The following C10orf90 variants were observed in gnomAD, a reference collection of about 807,000 sequenced individuals.
The protein encoded by C10orf90 is (E2-independent) E3 ubiquitin-conjugating enzyme FATS.
Under a neutral mutation model 62.5 loss-of-function variants are expected in C10orf90, and 56 were observed. That is an observed-to-expected ratio of 0.90 (90% CI 0.72 to 1.12). The LOEUF (loss-of-function observed/expected upper bound fraction) is 1.12, where lower values mean the gene tolerates loss of function less well. Ranked by LOEUF, C10orf90 falls within the 50% of genes most tolerant of loss-of-function variation. The pLI is 0.00. For synonymous variants in C10orf90, 386 were observed against 340.4 expected (o/e 1.13, Z -1.47); for missense variants, 970 against 880.4 (o/e 1.10, Z -1.29).
intron 2 of C10orf90, among the ~76,000 whole-genome samples, chr10:126,586,726 TG>T (rs1591123084): frequency 6.6e-6 from 1 of 152,198 alleles, no homozygotes; most frequent in East Asian, 1.9e-4. Context: ...TGCATGAAAG[TG>T]GGAGTGGGGA....
At chr10:126,445,896 G>A (rs996997607) in intron 7 of C10orf90, among the ~76,000 whole-genome samples, 2 of 151,208 alleles carry the variant, frequency 1.3e-5, no homozygotes, top group East Asian at 2.0e-4. Flanking sequence ...GATGAAATTG[G>A]AGACTAATAC....
chr10:126,565,375 A>ATAATATATATTATATATATTATATTATAT (rs1564874473), intron 2 of C10orf90, among the ~76,000 whole-genome samples: 1 of 35,438 alleles, frequency 2.8e-5, no homozygotes, highest in African/African-American at 9.9e-5. Flanking sequence ...TATTTTATAT[A>ATAATATATATTATATATATTATATTATAT]ATAATATATA....
At chr10:126,517,068 T>C (rs114247106) in intron 2 of C10orf90, among the ~76,000 whole-genome samples, 1 of 152,144 alleles carries the variant, frequency 6.6e-6, no homozygotes, top group Non-Finnish European at 1.5e-5. Flanking sequence ...AGTAACATAT[T>C]TATAAGTTCC....
At chr10:126,509,535 T>G (rs533932287) in intron 3 of C10orf90, among the ~76,000 whole-genome samples, 1 of 152,250 alleles carries the variant, frequency 6.6e-6, no homozygotes, top group Non-Finnish European at 1.5e-5. Flanking sequence ...GATAGAAATG[T>G]AGAAGTCATG....
At chr10:126,531,042 C>T (rs759713489) in intron 2 of C10orf90, among the ~76,000 whole-genome samples, 51 of 151,558 alleles carry the variant, frequency 3.4e-4, no homozygotes, top group African/African-American at 9.7e-4. Context: ...GGTGTGGTGG[C>T]GGGTGCCTGT....
At chr10:126,550,148 G>T (rs1184481481) in intron 2 of C10orf90, among the ~76,000 whole-genome samples, 1 of 151,834 alleles carries the variant, frequency 6.6e-6, no homozygotes, top group African/African-American at 2.4e-5. Flanking sequence ...AGTAGACAGG[G>T]TTTTGCCATG....
intron 4 of C10orf90, among the ~76,000 whole-genome samples, chr10:126,484,581 C>A (rs538999547): frequency 2.6e-5 from 4 of 152,256 alleles, no homozygotes; most frequent in Admixed American, 6.5e-5. Context: ...TCTAGAGAGA[C>A]TAGAGGGAGG....
At position 126,622,521 on chromosome 10, in the gene C10orf90, C is replaced by T. The variant is rs115437004; in HGVS notation, c.313+24044G>A. ...TCCCTGGAAGGAGGAGGTACCACTGCTAACGGGTAGAGGCCAGGGTGCAGC... is the reference window on the plus strand; with the variant it reads ...TCCCTGGAAGGAGGAGGTACCACTGTTAACGGGTAGAGGCCAGGGTGCAGC... On this transcript the variant is annotated intron_variant, in intron 2 of 9. Transcript: ENST00000488181. 9.6e-3 allele frequency among the ~76,000 whole-genome samples: 1,461 copies of T among 152,332 alleles called. 22 individuals are homozygous for T. Among genetic ancestry groups the T allele is most frequent in the African/African-American group, 0.032 (1,323 of 41,576 alleles).
intron 2 of C10orf90, among the ~76,000 whole-genome samples, chr10:126,549,887 A>G (rs1054298768): frequency 3.3e-5 from 5 of 152,184 alleles, no homozygotes; most frequent in Non-Finnish European, 7.3e-5. Flanking sequence ...CCTCCAAAGA[A>G]TAACACCAAG....
At chr10:126,667,396 G>C (rs1035641822) in intron 1 of C10orf90, among the ~76,000 whole-genome samples, 1 of 152,178 alleles carries the variant, frequency 6.6e-6, no homozygotes, top group African/African-American at 2.4e-5. Context: ...ATAGAAAAAG[G>C]AGATGGAAAT....
At chr10:126,437,517 A>G (rs1858001225) in intron 7 of C10orf90, among the ~76,000 whole-genome samples, 1 of 152,178 alleles carries the variant, frequency 6.6e-6, no homozygotes, top group Admixed American at 6.5e-5. Flanking sequence ...GTGAGAAGGA[A>G]AAGAGTTAAA....
chr10:126,528,841 G>A (rs756173021), intron 2 of C10orf90, among the ~76,000 whole-genome samples: 2 of 152,174 alleles, frequency 1.3e-5, no homozygotes, highest in Non-Finnish European at 2.9e-5. Flanking sequence ...TGTGTGAGCG[G>A]GAGAGGATAA....
chr10:126,585,349 G>A (rs1844839549), intron 2 of C10orf90, among the ~76,000 whole-genome samples: 1 of 64,234 alleles, frequency 1.6e-5, no homozygotes, highest in Non-Finnish European at 3.1e-5. Context: ...GAGACAGGCA[G>A]GGAGCGAGGG....
intron 2 of C10orf90, among the ~76,000 whole-genome samples, chr10:126,561,887 TAGAA>T (rs754729652): frequency 7.2e-4 from 110 of 152,260 alleles, no homozygotes; most frequent in Non-Finnish European, 1.4e-3. Context: ...GAAGTTAAGT[TAGAA>T]AGAACCCCCC....
intron 2 of C10orf90, among the ~76,000 whole-genome samples, chr10:126,639,773 C>T (rs117189841): frequency 0.012 from 1,843 of 152,352 alleles, 19 homozygotes; most frequent in Middle Eastern, 0.034. Flanking sequence ...GAGCTCCTTT[C>T]GTAGTACAGT....
intron 2 of C10orf90, among the ~76,000 whole-genome samples, chr10:126,603,206 A>T (rs1038965593): frequency 6.6e-6 from 1 of 152,164 alleles, no homozygotes; most frequent in Admixed American, 6.5e-5. Flanking sequence ...TAAGAGGTTT[A>T]ATTGACTCAC....
At chr10:126,583,903 C>A (rs927695280) in intron 2 of C10orf90, among the ~76,000 whole-genome samples, 6 of 152,082 alleles carry the variant, frequency 3.9e-5, no homozygotes, top group African/African-American at 1.4e-4. Flanking sequence ...GTTGCTTGAG[C>A]CCAGGAGTCT....
intron 1 of C10orf90, among the ~76,000 whole-genome samples, chr10:126,658,533 C>T (rs1358926979): frequency 2.0e-5 from 3 of 152,198 alleles, no homozygotes; most frequent in African/African-American, 4.8e-5. Context: ...GTGAATCCAC[C>T]TGTGAGTTAA....
At chr10:126,638,901 T>C (rs2133840508) in intron 2 of C10orf90, among the ~76,000 whole-genome samples, 1 of 152,318 alleles carries the variant, frequency 6.6e-6, no homozygotes, top group East Asian at 1.9e-4. Flanking sequence ...GTGCTGGGTA[T>C]CATGTGTGGG....
Sources: gnomAD v4.1 joint callset for allele counts (sites outside exome capture counted in the v4.1 genomes callset) on GRCh38, gnomAD v4.1.1 for gene constraint, MANE v1.5 for transcripts, NCBI Gene and HGNC (gene_info 2026-07-23, HGNC 2026-07-21) for gene names.